MCF2: variants seen among roughly 807,000 people sequenced by gnomAD.
The protein encoded by MCF2 is MCF.2 cell line derived transforming sequence, also known as proto-oncogene DBL.
In MCF2, 44 loss-of-function variants were observed where a neutral mutation model predicts 82.5. The observed-to-expected ratio is 0.53, with a 90% confidence interval of 0.42 to 0.69. The LOEUF is 0.69. Ranked by LOEUF, MCF2 falls within the 30% of genes least tolerant of loss-of-function variation. The pLI, the probability that MCF2 is intolerant of heterozygous loss-of-function variation, is 0.00. For missense variants in MCF2, 623 were observed against 663.1 expected (o/e 0.94, Z 0.66); for synonymous variants, 217 against 224.9 (o/e 0.96, Z 0.32).
At chrX:139,622,930 G>A (rs1932512812) in intron 6 of MCF2, among the ~76,000 whole-genome samples, 1 of 110,835 alleles carries the variant, frequency 9.0e-6, no homozygotes, top group African/African-American at 3.3e-5. Context: ...AGTGAGCAGA[G>A]GACATGAACA....
chrX:139,587,745 C>A (rs1569340694), exon 22 of MCF2: 1 of 1,194,896 alleles, frequency 8.4e-7, no homozygotes, highest in African/African-American at 1.8e-5. Flanking sequence ...AAATCTGAAA[C>A]TTATCCCGTT....
At chrX:139,633,891 G>A (rs1398455561) in intron 1 of MCF2, among the ~76,000 whole-genome samples, 1 of 111,277 alleles carries the variant, frequency 9.0e-6, no homozygotes, top group African/African-American at 3.3e-5. Flanking sequence ...GGCACAATCA[G>A]CAAGACATAA....
chrX:139,617,473 G>T, intron 8 of MCF2, 40 bp downstream of exon 11: 1 of 1,070,013 alleles, frequency 9.3e-7, no homozygotes. Flanking sequence ...AAAAAAATGT[G>T]TGTTCCTTTT....
At chrX:139,586,561 T>C in intron 22 of MCF2, 74 bp from the exon 27 acceptor site, 1 of 655,465 alleles carries the variant, frequency 1.5e-6, no homozygotes, top group Non-Finnish European at 2.4e-6. Flanking sequence ...AAGTGGTATT[T>C]CTTCCATTGA....
intron 1 of MCF2, among the ~76,000 whole-genome samples, chrX:139,639,218 A>G (rs929009402): frequency 2.2e-4 from 25 of 112,248 alleles, no homozygotes; most frequent in African/African-American, 7.8e-4. Context: ...TTTTGAAAGT[A>G]TAATTCATTT....
intron 24 of MCF2, among the ~76,000 whole-genome samples, 169 bp downstream of exon 28, chrX:139,584,897 G>T (rs1012963545): frequency 2.1e-4 from 24 of 111,721 alleles, no homozygotes; most frequent in Non-Finnish European, 4.1e-4. Flanking sequence ...TCTACTTAAA[G>T]ACAGAAGTGC....
At chrX:139,650,134 C>T (rs1356902323) in intron 2 of MCF2, among the ~76,000 whole-genome samples, 6 of 111,023 alleles carry the variant, frequency 5.4e-5, no homozygotes, top group East Asian at 2.8e-4. Flanking sequence ...ATAGGAGGAT[C>T]GCTTGAGGCC....
In MCF2 at chrX:139,613,389, G is replaced by A. The variant is rs997982888; in HGVS notation, c.1363+1492C>T. 18 of 496,007 alleles carry A rather than the reference G, an allele frequency of 3.6e-5. No homozygotes were observed. The Admixed American group carries it at 4.7e-4, about 13-fold the overall frequency. 40.9% of individuals were successfully genotyped at this position (496,007 alleles called of 1,213,427 possible). On this transcript the variant is annotated intron_variant, in intron 10 of 24. Transcript: ENST00000370576. Reference sequence around the variant, plus strand: ...TCTGTAACAGTCTCCTCAAAACTCCGTTCCTCAACCCAAGGTGTACCACTT... The same window carrying A: ...TCTGTAACAGTCTCCTCAAAACTCCATTCCTCAACCCAAGGTGTACCACTT...
rs900810201 is a variant in MCF2 at position 139,649,251 on chromosome X, T to G, written c.26-2348A>C. Among the ~76,000 whole-genome samples, 8 of 112,043 alleles carry G rather than the reference T, an allele frequency of 7.1e-5. No homozygotes were observed. The Admixed American group carries it at 7.6e-4, about 11-fold the overall frequency. On this transcript the variant is annotated intron_variant, in intron 2 of 27. Coordinates refer to the MCF2 transcript ENST00000414978. The stretch of plus-strand genomic sequence containing the variant: ...CAAAGGGTTATTAATCTTCACTGTA[T>G]GATATTCCAGAATTAGAGTAGAGTG...
At chrX:139,669,681 A>T (rs1003082723) in intron 1 of MCF2, among the ~76,000 whole-genome samples, 3 of 112,549 alleles carry the variant, frequency 2.7e-5, no homozygotes, top group African/African-American at 9.7e-5. Context: ...AAACAAAAGC[A>T]GCATATCCAT....
chrX:139,699,278 TA>T (rs1185815748), intron 1 of MCF2, among the ~76,000 whole-genome samples: 1 of 112,350 alleles, frequency 8.9e-6, no homozygotes, highest in African/African-American at 3.2e-5. Flanking sequence ...ATTCACCTCT[TA>T]GCAATTACTG....
intron 1 of MCF2, among the ~76,000 whole-genome samples, chrX:139,695,216 G>C (rs1428937247): frequency 1.8e-5 from 2 of 109,851 alleles, no homozygotes; most frequent in African/African-American, 3.3e-5. Context: ...TTTTAGTAGA[G>C]ATGGGGTTTT....
chrX:139,686,328 A>T (rs781743160), intron 1 of MCF2, among the ~76,000 whole-genome samples: 1 of 111,556 alleles, frequency 9.0e-6, no homozygotes, highest in African/African-American at 3.3e-5. Flanking sequence ...AAGTCAAATT[A>T]TCCCTGTTTG....
chrX:139,604,560 G>T, intron 15 of MCF2, 121 bp downstream of exon 19: 1 of 417,937 alleles, frequency 2.4e-6, no homozygotes, highest in Non-Finnish European at 4.0e-6. Flanking sequence ...CTGGAGTAAT[G>T]TGTCCTCTCC....
intron 1 of MCF2, among the ~76,000 whole-genome samples, chrX:139,685,363 C>T (rs1392971315): frequency 9.0e-6 from 1 of 110,619 alleles, no homozygotes; most frequent in African/African-American, 3.3e-5. Context: ...ACACCCTGGG[C>T]CTGGTAGTTA....
intron 1 of MCF2, among the ~76,000 whole-genome samples, chrX:139,663,526 A>G (rs767658914): frequency 9.3e-6 from 1 of 107,501 alleles, no homozygotes; most frequent in Non-Finnish European, 1.9e-5. Flanking sequence ...TTTGTTGTAC[A>G]TATTATTTAA....
chrX:139,610,002 C>T (rs1466269525), intron 11 of MCF2, among the ~76,000 whole-genome samples: 2 of 112,308 alleles, frequency 1.8e-5, no homozygotes, highest in Non-Finnish European at 3.8e-5. Flanking sequence ...CGCTTACTTA[C>T]GATTATTGAA....
chrX:139,644,737 G>A (rs912146012), upstream of MCF2, among the ~76,000 whole-genome samples: 1 of 111,934 alleles, frequency 8.9e-6, no homozygotes, highest in African/African-American at 3.2e-5. Flanking sequence ...TCAGTCAGGA[G>A]ACAAAGTAAG....
intron 1 of MCF2, among the ~76,000 whole-genome samples, chrX:139,638,500 G>A (rs1933368439): frequency 9.0e-6 from 1 of 111,384 alleles, no homozygotes; most frequent in Non-Finnish European, 1.9e-5. Flanking sequence ...ATGGTGAACT[G>A]GAGAACATTC....
Sources: gnomAD v4.1 joint callset for allele counts (sites outside exome capture counted in the v4.1 genomes callset) on GRCh38, gnomAD v4.1.1 for gene constraint, MANE v1.5 for transcripts, NCBI Gene and HGNC (gene_info 2026-07-23, HGNC 2026-07-21) for gene names.